The following GOLM1 variants were observed in gnomAD, a reference collection of about 807,000 sequenced individuals.
GOLM1 encodes epididymis luminal protein 46.
GOLM1 carries 31 observed loss-of-function variants against 50.5 expected under a neutral mutation model. The ratio of observed to expected loss-of-function variants is 0.61; its 90% CI spans 0.46 to 0.83. The LOEUF (loss-of-function observed/expected upper bound fraction) is 0.83. GOLM1 is among the 40% of genes least tolerant of loss of function. The probability of loss-of-function intolerance (pLI) is 0.00; values close to 1 mark genes in which losing one functional copy is unlikely to be tolerated. For synonymous variants in GOLM1, 178 were observed against 192.8 expected (o/e 0.92, Z 0.64); for missense variants, 491 against 501.3 (o/e 0.98, Z 0.20).
intron 3 of GOLM1, among the ~76,000 whole-genome samples, chr9:86,055,996 A>AC (rs1248500667): frequency 4.6e-5 from 7 of 151,488 alleles, no homozygotes; most frequent in African/African-American, 1.7e-4. Flanking sequence ...CAAACCAAAA[A>AC]CACTTAAATT....
Position 86,086,454 on chromosome 9 carries a change from CTCGTTAGCTTAACTAGATCCCATTT to C in GOLM1, c.-21-7138_-21-7114del, listed in dbSNP as rs556279665. On this transcript the variant is annotated intron_variant, in intron 1 of 9. Coordinates refer to ENST00000388712, the MANE Select transcript of GOLM1 (RefSeq NM_016548.4). ...GATAGCCTCTTTAGCTGTGCAGAAGCTCGTTAGCTTAACTAGATCCCATTTGTCTATTTTGGCTTTTGTTGCCATT... is the reference window on the plus strand; with the variant it reads ...GATAGCCTCTTTAGCTGTGCAGAAGCGTCTATTTTGGCTTTTGTTGCCATT... Among the ~76,000 whole-genome samples, 214 of 152,280 alleles carry C rather than the reference CTCGTTAGCTTAACTAGATCCCATTT, an allele frequency of 1.4e-3. 4 individuals carry two copies. Among genetic ancestry groups the C allele is most frequent in the Admixed American group, 0.013 (199 of 15,292 alleles).
At chr9:86,089,809 G>A (rs1417873648) in intron 1 of GOLM1, among the ~76,000 whole-genome samples, 1 of 152,152 alleles carries the variant, frequency 6.6e-6, no homozygotes, top group Admixed American at 6.5e-5. Context: ...TGGCGAGGAG[G>A]TGTGATCCTT....
Position 86,036,677 on chromosome 9 carries a change from A to C in GOLM1, c.598-170T>G, listed in dbSNP as rs182549311. The C allele has an allele frequency of 6.4e-4, 410 of 641,886 alleles. 6 individuals are homozygous for C. In the Admixed American group the frequency reaches 8.2e-3, roughly 13 times the overall value. The allele number at this position is 641,886 out of a possible 1,614,324, so 39.8% of individuals were successfully genotyped here. On this transcript the variant is annotated intron_variant, in intron 6 of 9. Coordinates refer to ENST00000388712, the MANE Select transcript of GOLM1 (RefSeq NM_016548.4). ...GGTCACGCCCTGGTCATGTGGCGTA[A>C]ATCAGAAGACAAGAGGTTGAGTCAA...
intron 3 of GOLM1, among the ~76,000 whole-genome samples, chr9:86,056,545 G>T (rs1437181409): frequency 7.2e-6 from 1 of 139,122 alleles, no homozygotes; most frequent in South Asian, 2.2e-4. Flanking sequence ...CTCGCCTGTC[G>T]CCCAGGCTGG....
At chr9:86,077,376 T>G (rs1587731842) in intron 3 of GOLM1, 36 bp downstream of exon 3, 1 of 1,556,988 alleles carries the variant, frequency 6.4e-7, no homozygotes, top group East Asian at 2.3e-5. Flanking sequence ...CACCATCCCT[T>G]AGAAAAGAAC....
intron 1 of GOLM1, among the ~76,000 whole-genome samples, chr9:86,082,048 A>C (rs1164827289): frequency 1.4e-4 from 2 of 14,616 alleles, no homozygotes; most frequent in Non-Finnish European, 3.7e-4. Context: ...TTTTTTTTTG[A>C]GATGGAGTCT....
chr9:86,066,842 C>T (rs1834321345), intron 3 of GOLM1, among the ~76,000 whole-genome samples: 1 of 152,144 alleles, frequency 6.6e-6, no homozygotes, highest in Non-Finnish European at 1.5e-5. Flanking sequence ...GTGATGCCAC[C>T]CCCAAGCCTT....
At chr9:86,061,473 T>C (rs575922025) in intron 3 of GOLM1, among the ~76,000 whole-genome samples, 12 of 152,174 alleles carry the variant, frequency 7.9e-5, no homozygotes, top group Non-Finnish European at 1.3e-4. Context: ...CGAAGCTCAC[T>C]AATGAGGATA....
chr9:86,075,537 G>A (rs1163698881), intron 3 of GOLM1, among the ~76,000 whole-genome samples: 2 of 152,120 alleles, frequency 1.3e-5, no homozygotes, highest in Non-Finnish European at 2.9e-5. Flanking sequence ...AACAGATCCA[G>A]AGAATTTAAG....
intron 7 of GOLM1, 64 bp from the exon 8 acceptor site, chr9:86,035,689 A>AAAAG: frequency 7.0e-7 from 1 of 1,437,904 alleles, no homozygotes; most frequent in East Asian, 2.3e-5. Flanking sequence ...AAAAAAAAAA[A>AAAAG]AAAAGCAAAA....
At chr9:86,093,320 T>C (rs562699347) in intron 1 of GOLM1, among the ~76,000 whole-genome samples, 42 of 147,164 alleles carry the variant, frequency 2.9e-4, no homozygotes, top group African/African-American at 1.1e-3. Context: ...GAGGTTGCTG[T>C]GAGCCAAGAT....
chr9:86,036,533 G>A (rs200264611), intron 6 of GOLM1, 26 bp from the exon 7 acceptor site: 127 of 1,612,290 alleles, frequency 7.9e-5, no homozygotes, highest in Middle Eastern at 5.2e-4. Flanking sequence ...AGGACAGCCA[G>A]CCAGGGCAGG....
chr9:86,099,938 G>T (rs1469828113), upstream of GOLM1: 1 of 152,348 alleles, frequency 6.6e-6, no homozygotes, highest in African/African-American at 2.4e-5. Flanking sequence ...CCACACTCAC[G>T]TTACCTTCTT....
chr9:86,065,274 T>C (rs748666610), intron 3 of GOLM1, among the ~76,000 whole-genome samples: 1 of 152,126 alleles, frequency 6.6e-6, no homozygotes, highest in Non-Finnish European at 1.5e-5. Context: ...AAATGTGCAA[T>C]GAACACAGCC....
intron 1 of GOLM1, among the ~76,000 whole-genome samples, chr9:86,097,105 T>C (rs1157944295): frequency 6.6e-6 from 1 of 150,888 alleles, no homozygotes; most frequent in African/African-American, 2.4e-5. Context: ...GAGAAATATC[T>C]GTGTGAAAGA....
Position 86,074,235 on chromosome 9 carries a change from T to TAA in GOLM1, c.309+3175_309+3176dup, listed in dbSNP as rs11333722. ...CCACAAATGCTAACCTTCTAAGATT[T>TAA]AAAAAAAAAAAAAAAAAAAAGACAG... On this transcript the variant is annotated intron_variant, in intron 3 of 9. Coordinates refer to ENST00000388712, the MANE Select transcript of GOLM1 (RefSeq NM_016548.4). Among the ~76,000 whole-genome samples the TAA allele has an allele frequency of 4.9e-3, 596 of 121,432 alleles. 2 individuals are homozygous for TAA. The highest frequency in any genetic ancestry group is 0.015 in the African/African-American group (497 of 33,832). 79.7% of individuals were successfully genotyped at this position (121,432 alleles called of 152,430 possible).
At chr9:86,065,491 T>A (rs963737108) in intron 3 of GOLM1, among the ~76,000 whole-genome samples, 2 of 152,166 alleles carry the variant, frequency 1.3e-5, no homozygotes. Flanking sequence ...AAGACAATCA[T>A]TACATTCGCA....
At position 86,033,356 on chromosome 9, in the gene GOLM1, T is replaced by A. The variant is rs749770205; in HGVS notation, c.1055A>T (p.Asn352Ile). 2.5e-6 allele frequency: 4 copies of A among 1,613,242 alleles called. No homozygotes were observed. ...QQKLRGEDDY[N>I]MDENEAESET... ...AGATTCTGCTTCATTTTCATCCATGTTGTAGTCATCTTCTCCTCTCAGTTT... is the reference window on the plus strand; with the variant it reads ...AGATTCTGCTTCATTTTCATCCATGATGTAGTCATCTTCTCCTCTCAGTTT... The change falls in exon 9 of 10, where the codon AAC (asparagine) becomes ATC (isoleucine). Residue 352 changes from asparagine (N) to isoleucine (I), a missense_variant. Coordinates refer to ENST00000388712, the MANE Select transcript of GOLM1 (RefSeq NM_016548.4).
chr9:86,035,895 A>AAAAAAAAAAAC (rs1285241059), intron 7 of GOLM1, among the ~76,000 whole-genome samples: 1 of 150,732 alleles, frequency 6.6e-6, no homozygotes, highest in South Asian at 2.1e-4. Flanking sequence ...AAAAAAAAAA[A>AAAAAAAAAAAC]ACACCTGGAC....
Sources: gnomAD v4.1 joint callset for allele counts (sites outside exome capture counted in the v4.1 genomes callset) on GRCh38, gnomAD v4.1.1 for gene constraint, MANE v1.5 for transcripts, NCBI Gene and HGNC (gene_info 2026-07-23, HGNC 2026-07-21) for gene names.